CACNA1S: variants seen among roughly 807,000 people sequenced by gnomAD.
CACNA1S encodes calcium voltage-gated channel subunit alpha1 S.
CACNA1S carries 126 observed loss-of-function variants against 207.4 expected under a neutral mutation model. That is an observed-to-expected ratio of 0.61 (90% confidence interval 0.53 to 0.70). The LOEUF is 0.70. Among genes scored for constraint, CACNA1S ranks in the 30% least tolerant of loss-of-function variants. The probability of loss-of-function intolerance (pLI) is 0.00; values close to 1 mark genes in which losing one functional copy is unlikely to be tolerated. For synonymous variants in CACNA1S, 960 were observed against 932.7 expected, an observed-to-expected ratio of 1.03 and a Z score of -0.53; for missense variants, 2,349 against 2,422.8, an observed-to-expected ratio of 0.97 and a Z score of 0.64.
Position 201,052,247 on chromosome 1 carries a change from C to T in CACNA1S, c.3953+310G>A, listed in dbSNP as rs77550320. 9.1e-3 allele frequency among the ~76,000 whole-genome samples: 1,382 copies of T among 152,306 alleles called. 67 individuals carry two copies. The highest frequency in any genetic ancestry group is 0.067 in the Admixed American group (1,024 of 15,296). ...TCTGGGAGCGACGAGGGCAAATGTC[C>T]GGGAGAAGATATCTGACCTCTGTCT... is the stretch of plus-strand genomic sequence containing the variant. On this transcript the variant is annotated intron_variant, in intron 32 of 43. Transcript: ENST00000362061.
chr1:201,082,575 C>A (rs1041966052), intron 10 of CACNA1S, among the ~76,000 whole-genome samples: 1 of 152,186 alleles, frequency 6.6e-6, no homozygotes, highest in Non-Finnish European at 1.5e-5. Context: ...TTCTGTGATT[C>A]TCCTCTTGCT....
intron 19 of CACNA1S, among the ~76,000 whole-genome samples, chr1:201,067,963 A>G (rs1476286795): frequency 6.6e-6 from 1 of 152,148 alleles, no homozygotes; most frequent in Non-Finnish European, 1.5e-5. Context: ...CGCGGGGGCT[A>G]CTGGGTTTCA....
chr1:201,081,035 C>G (rs1661822402), intron 10 of CACNA1S, among the ~76,000 whole-genome samples: 1 of 152,204 alleles, frequency 6.6e-6, no homozygotes, highest in African/African-American at 2.4e-5. Context: ...CCCAGGGCCT[C>G]TAGCAGGAAT....
chr1:201,054,507 C>A lies in CACNA1S; in HGVS notation c.3664G>T (p.Val1222Phe), dbSNP rs202240111. 1 of 1,613,738 alleles carries A rather than the reference C, an allele frequency of 6.2e-7. No homozygotes were observed. Among genetic ancestry groups the A allele is most frequent in the East Asian group, 2.2e-5 (1 of 44,860 alleles). ...AGGCTCGTGCAGCCTGAAATTACAA[C>A]GTTCCCGCAGCCTCCACCCAGGCAA... Reference protein sequence around the residue: ...LYCLGGGCGNVDPDESARISS... With the variant: ...LYCLGGGCGNFDPDESARISS... Residue 1222 changes from valine (V) to phenylalanine (F), a missense_variant and splice_region_variant, in exon 29 of 44, where the codon GTT (valine) becomes TTT (phenylalanine). By Grantham distance (50) the Val-to-Phe change is conservative. Coordinates refer to ENST00000362061, the MANE Select transcript of CACNA1S (RefSeq NM_000069.3).
chr1:201,047,168 G>A lies in CACNA1S; in HGVS notation c.4615C>T (p.Arg1539Cys), dbSNP rs3850625. 0.12 allele frequency: 188,220 copies of A among 1,613,950 alleles called. 12,268 individuals carry two copies. The highest frequency in any genetic ancestry group is 0.21 in the South Asian group (19,091 of 91,070). Residue 1539 changes from arginine (R) to cysteine (C), a missense_variant, in exon 38 of 44, where the codon CGC (arginine) becomes TGC (cysteine). Transcript: ENST00000362061. ...CGATAGCCATAATACTCCTCTTGGC[G>A]TTTCATGAACTTCCGGAAGTGCTCC... ...IQEHFRKFMK[R>C]QEEYYGYRPK... is the part of the protein sequence containing the mutation.
At chr1:201,055,448 T>G (rs1660803699) in intron 28 of CACNA1S, among the ~76,000 whole-genome samples, 1 of 152,224 alleles carries the variant, frequency 6.6e-6, no homozygotes, top group African/African-American at 2.4e-5. Context: ...CTTCAGAAGT[T>G]TAAATGCACC....
chr1:201,074,763 T>G (rs1661547465), intron 13 of CACNA1S, 143 bp from the exon 14 acceptor site: 4 of 711,540 alleles, frequency 5.6e-6, no homozygotes, highest in African/African-American at 1.8e-5. Flanking sequence ...AGGGACATAG[T>G]GGAAGGCCCT....
At chr1:201,087,683 T>C in intron 7 of CACNA1S, 143 bp downstream of exon 7, 1 of 675,234 alleles carries the variant, frequency 1.5e-6, no homozygotes, top group South Asian at 1.7e-5. Context: ...GCTCCACTCC[T>C]TCCTCCTCCT....
rs187640240 is a variant in CACNA1S, at chr1:201,053,078, T to C, written c.3861+131A>G. The stretch of plus-strand genomic sequence containing the variant: ...CACGATCAGGGAGGTTGTCCCTCCT[T>C]CTTTCTCACGAGCAAGGCAGGGAGG... On this transcript the variant is annotated intron_variant, in intron 31 of 43. Transcript: ENST00000362061. This position sits in a 1 kb window ranked among gnomAD's most constrained non-coding sequence, Gnocchi z 5.1. The C allele has an allele frequency of 1.2e-3, 1,277 of 1,074,336 alleles. 11 individuals carry two copies. In the African/African-American group the frequency reaches 0.017, roughly 15 times the overall value. 66.6% of individuals were successfully genotyped at this position (1,074,336 alleles called of 1,614,324 possible). A position where few individuals can be genotyped will look rare whatever the true frequency, so the allele number is the denominator to read the frequency against.
intron 27 of CACNA1S, among the ~76,000 whole-genome samples, chr1:201,058,941 G>A (rs928977347): frequency 2.6e-5 from 4 of 152,190 alleles, no homozygotes; most frequent in African/African-American, 7.2e-5. Context: ...TTCAGAGCAG[G>A]CGAGAATGTA....
rs372942667 is a variant in CACNA1S at position 201,077,870 on chromosome 1, G to C, written c.1619+9C>G. 6.2e-7 allele frequency: 1 copy of C among 1,607,998 alleles called. No individual in the cohort carries two copies. The highest frequency in any genetic ancestry group is 2.2e-5 in the East Asian group (1 of 44,846). Reference sequence around the variant, plus strand: ...GGACCCGGGAGTGCCAGCCGACCCCGGCACTCACTTGGTGATCTTGAAGAT... The same window carrying C: ...GGACCCGGGAGTGCCAGCCGACCCCCGCACTCACTTGGTGATCTTGAAGAT... On this transcript the variant is annotated intron_variant, in intron 11 of 43. Coordinates refer to ENST00000362061, the MANE Select transcript of CACNA1S (RefSeq NM_000069.3).
chr1:201,048,516 G>A (rs1558054951), intron 36 of CACNA1S, 66 bp downstream of exon 36: 1 of 1,308,064 alleles, frequency 7.6e-7, no homozygotes, highest in South Asian at 1.2e-5. Flanking sequence ...TGAGAATCTG[G>A]CAGAATCTGT....
At position 201,053,679 on chromosome 1, in the gene CACNA1S, G is replaced by C. The variant is rs1299955646; in HGVS notation, c.3667-92C>G. 29 of 1,385,818 alleles carry C rather than the reference G, an allele frequency of 2.1e-5. No individual in the cohort carries two copies. The highest frequency in any genetic ancestry group is 2.8e-5 in the Non-Finnish European group (28 of 998,388). The allele number at this position is 1,385,818 out of a possible 1,614,324, so 85.8% of individuals were successfully genotyped here. On this transcript the variant is annotated intron_variant, in intron 29 of 43. Transcript: ENST00000362061. The surrounding 1 kb of genome is among the most constrained non-coding windows in gnomAD (Gnocchi z 5.1). ...GGAGGGAGGTGCACTGTGTGTTTTG[G>C]GGAGATGTTTGTGGCATGGAGGAAC...
intron 42 of CACNA1S, 22 bp downstream of exon 42, chr1:201,040,600 C>A: frequency 1.2e-6 from 2 of 1,607,076 alleles, no homozygotes; most frequent in South Asian, 2.2e-5. Context: ...GGAGTTTGCT[C>A]CCAGGCCTCT....
At chr1:201,097,228 C>G (rs1316650997) in intron 2 of CACNA1S, among the ~76,000 whole-genome samples, 1 of 152,204 alleles carries the variant, frequency 6.6e-6, no homozygotes, top group Admixed American at 6.5e-5. Flanking sequence ...TCCCCCGAGC[C>G]CTTCTCCATA....
chr1:201,101,715 T>C (rs1662673998), intron 2 of CACNA1S, among the ~76,000 whole-genome samples: 10 of 152,202 alleles, frequency 6.6e-5, no homozygotes, highest in Admixed American at 6.5e-4. Flanking sequence ...CAGGGGGATC[T>C]GGGCAGGCTG....
intron 16 of CACNA1S, among the ~76,000 whole-genome samples, chr1:201,071,769 C>G (rs1322172801): frequency 6.6e-6 from 1 of 152,196 alleles, no homozygotes; most frequent in South Asian, 2.1e-4. Context: ...ATGAGTTATT[C>G]TAAAACACAA....
intron 41 of CACNA1S, 90 bp downstream of exon 41, chr1:201,041,414 C>A: frequency 9.9e-7 from 1 of 1,007,922 alleles, no homozygotes. Context: ...GCCCTCCCAG[C>A]CAAGTTCCCA....
At chr1:201,103,470 T>C (rs1023520423) in intron 2 of CACNA1S, among the ~76,000 whole-genome samples, 28 of 151,706 alleles carry the variant, frequency 1.8e-4, no homozygotes, top group Non-Finnish European at 2.8e-4. Flanking sequence ...GCTATTACAG[T>C]GTCTGCAGCC....
Sources: gnomAD v4.1 joint callset for allele counts (sites outside exome capture counted in the v4.1 genomes callset) on GRCh38, gnomAD v4.1.1 for gene constraint, Gnocchi (gnomAD v3.1) non-coding constraint, MANE v1.5 for transcripts, NCBI Gene and HGNC (gene_info 2026-07-23, HGNC 2026-07-21) for gene names.